Variants in DDX10 observed in about 807,000 individuals in gnomAD.
DDX10 encodes DEAD-box helicase 10.
Under a neutral mutation model 104.3 loss-of-function variants are expected in DDX10, and 74 were observed. That is an observed-to-expected ratio of 0.71 (90% CI 0.59 to 0.86). DDX10 has a LOEUF of 0.86. Among genes scored for constraint, DDX10 ranks in the 40% least tolerant of loss-of-function variants. The pLI, the probability that DDX10 is intolerant of heterozygous loss-of-function variation, is 0.00. For missense variants in DDX10, 952 were observed against 1,040.0 expected, an observed-to-expected ratio of 0.92 and a Z score of 1.16; for synonymous variants, 351 against 353.4, an observed-to-expected ratio of 0.99 and a Z score of 0.08.
intron 13 of DDX10, among the ~76,000 whole-genome samples, chr11:108,812,751 G>A (rs1445060424): frequency 6.6e-6 from 1 of 152,084 alleles, no homozygotes; most frequent in Non-Finnish European, 1.5e-5. Context: ...GGAGGCTGAG[G>A]TGGGTGGATC....
intron 13 of DDX10, among the ~76,000 whole-genome samples, chr11:108,777,125 T>A (rs544970046): frequency 6.6e-6 from 1 of 152,344 alleles, no homozygotes; most frequent in South Asian, 2.1e-4. Flanking sequence ...CATGATTTCC[T>A]TCTTTCCTAA....
intron 2 of DDX10, 91 bp from the exon 3 acceptor site, chr11:108,675,505 C>A: frequency 7.0e-7 from 1 of 1,431,964 alleles, no homozygotes. Context: ...AGGGCTTCAA[C>A]ATAGGAATTT....
intron 13 of DDX10, among the ~76,000 whole-genome samples, chr11:108,773,669 T>G (rs543038085): frequency 1.3e-5 from 2 of 152,244 alleles, no homozygotes; most frequent in Admixed American, 6.5e-5. Context: ...AAATATTGAT[T>G]TCCACAGATA....
intron 13 of DDX10, among the ~76,000 whole-genome samples, chr11:108,821,704 A>G (rs552813096): frequency 6.6e-6 from 1 of 152,330 alleles, no homozygotes; most frequent in African/African-American, 2.4e-5. Flanking sequence ...TGGTCCTTTT[A>G]TGAACGTAAG....
intron 13 of DDX10, among the ~76,000 whole-genome samples, chr11:108,830,336 A>G (rs780459120): frequency 2.0e-5 from 3 of 152,046 alleles, no homozygotes; most frequent in Non-Finnish European, 4.4e-5. Flanking sequence ...AAAGAGGTTG[A>G]GTTCTTGATT....
chr11:108,936,875 A>G (rs1864043545), intron 17 of DDX10, among the ~76,000 whole-genome samples: 1 of 152,230 alleles, frequency 6.6e-6, no homozygotes, highest in Non-Finnish European at 1.5e-5. Flanking sequence ...TACTGCCAAA[A>G]TGCCCTCAAG....
intron 12 of DDX10, among the ~76,000 whole-genome samples, chr11:108,721,575 A>T (rs890127456): frequency 5.9e-5 from 9 of 152,136 alleles, no homozygotes; most frequent in Admixed American, 4.6e-4. Context: ...GCTTTTTGTG[A>T]TGCTTAGAGA....
At chr11:108,815,288 CT>C (rs1862240014) in intron 13 of DDX10, among the ~76,000 whole-genome samples, 1 of 151,464 alleles carries the variant, frequency 6.6e-6, no homozygotes, top group African/African-American at 2.4e-5. Context: ...GATTTGTGGC[CT>C]TTTTTTCTTT....
intron 13 of DDX10, among the ~76,000 whole-genome samples, chr11:108,835,774 A>G (rs1862546331): frequency 6.6e-6 from 1 of 150,682 alleles, no homozygotes; most frequent in Non-Finnish European, 1.5e-5. Context: ...CCCTGTGCAG[A>G]TGAAGGGATA....
intron 16 of DDX10, among the ~76,000 whole-genome samples, chr11:108,883,060 GT>G (rs765601342): frequency 1.3e-5 from 2 of 152,088 alleles, no homozygotes; most frequent in African/African-American, 2.4e-5. Context: ...ATGTTACGGG[GT>G]TTTTCCCCCC....
chr11:108,686,107 G>A (rs534331395), intron 6 of DDX10, among the ~76,000 whole-genome samples: 4 of 152,184 alleles, frequency 2.6e-5, no homozygotes, highest in African/African-American at 9.6e-5. Context: ...TTTTAGAGCA[G>A]TTTTAGGTTA....
intron 6 of DDX10, among the ~76,000 whole-genome samples, chr11:108,685,133 T>G (rs2094241700): frequency 6.6e-6 from 1 of 151,654 alleles, no homozygotes; most frequent in Non-Finnish European, 1.5e-5. Flanking sequence ...TGCGAAAATT[T>G]TCTCCCATGT....
intron 13 of DDX10, among the ~76,000 whole-genome samples, chr11:108,776,786 A>G (rs2094370468): frequency 6.6e-6 from 1 of 152,186 alleles, no homozygotes; most frequent in South Asian, 2.1e-4. Flanking sequence ...CTTTGTGAGA[A>G]GGTGGTCTAA....
chr11:108,922,211 T>A (rs1259987956), intron 17 of DDX10: 2 of 18,070 alleles, frequency 1.1e-4, no homozygotes, highest in African/African-American at 2.1e-4. Flanking sequence ...GCCACTGCAC[T>A]CCAGCCTGGG....
At chr11:108,719,955 G>C in intron 12 of DDX10, 70 bp downstream of exon 12, 1 of 988,410 alleles carries the variant, frequency 1.0e-6, no homozygotes, top group Non-Finnish European at 1.6e-6. Context: ...TTAATTTAGA[G>C]ATGGGGTCTT....
At chr11:108,801,514 C>T (rs1862020062) in intron 13 of DDX10, among the ~76,000 whole-genome samples, 1 of 152,182 alleles carries the variant, frequency 6.6e-6, no homozygotes, top group African/African-American at 2.4e-5. Flanking sequence ...TGAATCCTGA[C>T]ACTACACTAT....
chr11:108,711,433 A>G (rs979393968), intron 10 of DDX10, among the ~76,000 whole-genome samples: 2 of 152,136 alleles, frequency 1.3e-5, no homozygotes, highest in Non-Finnish European at 1.5e-5. Flanking sequence ...CCTGGGTTCA[A>G]GCAATTCTCC....
At chr11:108,819,012 T>C (rs1006921654) in intron 13 of DDX10, among the ~76,000 whole-genome samples, 11 of 152,240 alleles carry the variant, frequency 7.2e-5, no homozygotes, top group African/African-American at 2.4e-5. Flanking sequence ...GAAAAGTGGC[T>C]TGGCAGTATG....
intron 13 of DDX10, chr11:108,730,083 A>G (rs890124713): frequency 6.6e-6 from 1 of 152,464 alleles, no homozygotes; most frequent in African/African-American, 2.4e-5. Context: ...TCCATGGCTG[A>G]TGCTCTTCTG....
Sources: gnomAD v4.1 joint callset for allele counts (sites outside exome capture counted in the v4.1 genomes callset) on GRCh38, gnomAD v4.1.1 for gene constraint, MANE v1.5 for transcripts, NCBI Gene and HGNC (gene_info 2026-07-23, HGNC 2026-07-21) for gene names.